Variants in VPS13B observed in about 807,000 individuals in gnomAD.
VPS13B encodes the protein vacuolar protein sorting 13 homolog B, also known as intermembrane lipid transfer protein VPS13B.
A neutral mutation model predicts 426.4 loss-of-function variants in VPS13B; 285 were observed. The observed-to-expected ratio is 0.67, with a 90% confidence interval of 0.61 to 0.74. The LOEUF is 0.74. VPS13B is among the 30% of genes least tolerant of loss of function. The pLI is 0.00. For missense variants in VPS13B, 4,537 were observed against 4,782.6 expected (o/e 0.95, Z 1.51); for synonymous variants, 1,676 against 1,676.4 (o/e 1.00, Z 0.01).
chr8:99,273,324 A>G (rs1818700088), intron 17 of VPS13B, among the ~76,000 whole-genome samples: 1 of 100,336 alleles, frequency 1.0e-5, no homozygotes, highest in Admixed American at 9.0e-5. Context: ...ACGCCCAGCT[A>G]ATTTTTGTAC....
At chr8:99,024,472 T>C (rs543482563) in intron 2 of VPS13B, among the ~76,000 whole-genome samples, 2 of 152,368 alleles carry the variant, frequency 1.3e-5, no homozygotes, top group East Asian at 3.9e-4. Flanking sequence ...TGAGTTGATT[T>C]TTGTATATGG....
chr8:99,756,030 T>G (rs865943585), intron 39 of VPS13B, among the ~76,000 whole-genome samples: 4 of 152,046 alleles, frequency 2.6e-5, no homozygotes, highest in Admixed American at 1.3e-4. Flanking sequence ...GTTGGACTTA[T>G]TAGACAAATA....
In VPS13B at chr8:99,121,300, C is replaced by T. The variant is rs1274673849; in HGVS notation, c.1061C>T (p.Pro354Leu). 9 of 1,614,124 alleles carry T rather than the reference C, an allele frequency of 5.6e-6. No individual in the cohort carries two copies. The highest frequency in any genetic ancestry group is 7.6e-6 in the Non-Finnish European group (9 of 1,180,022). The change falls in exon 8 of 62, where the codon CCT becomes CTT. Residue 354 changes from proline to leucine, a missense_variant. Pro to Leu is a moderately conservative substitution (Grantham distance 98). Transcript: ENST00000357162. ...GWVSWAWSFV[P>L]AIVSYDDGEE... ...GTGTCATGGGCCTGGTCCTTTGTGC[C>T]TGCAATTGTGAGTTATGACGATGGC...
chr8:99,258,158 C>T (rs1369498020), intron 17 of VPS13B, among the ~76,000 whole-genome samples: 3 of 151,202 alleles, frequency 2.0e-5, no homozygotes, highest in African/African-American at 7.3e-5. Context: ...ATTATTTTAA[C>T]CAATAAATTT....
At chr8:99,657,937 CCTT>C (rs1311426007) in intron 34 of VPS13B, among the ~76,000 whole-genome samples, 1 of 152,164 alleles carries the variant, frequency 6.6e-6, no homozygotes, top group Non-Finnish European at 1.5e-5. Context: ...TGTTTCTTCT[CCTT>C]CTCCCCCAAT....
At chr8:99,621,604 T>C (rs1828351283) in intron 33 of VPS13B, among the ~76,000 whole-genome samples, 2 of 152,132 alleles carry the variant, frequency 1.3e-5, no homozygotes, top group African/African-American at 4.8e-5. Context: ...ATTTTAGTGA[T>C]TGTCTTGTTG....
At chr8:99,805,490 A>C (rs543453680) in intron 43 of VPS13B, among the ~76,000 whole-genome samples, 1 of 152,160 alleles carries the variant, frequency 6.6e-6, no homozygotes, top group African/African-American at 2.4e-5. Context: ...TCTTAAATAT[A>C]TCAATTCAGG....
At chr8:99,189,597 T>G (rs1275118956) in intron 16 of VPS13B, among the ~76,000 whole-genome samples, 1 of 152,128 alleles carries the variant, frequency 6.6e-6, no homozygotes, top group Non-Finnish European at 1.5e-5. Context: ...CTCTTTTCTT[T>G]AGGAACACTG....
intron 31 of VPS13B, among the ~76,000 whole-genome samples, chr8:99,570,231 A>G (rs999494714): frequency 6.6e-6 from 1 of 152,004 alleles, no homozygotes; most frequent in Non-Finnish European, 1.5e-5. Flanking sequence ...ATGAATTCTT[A>G]TATTTCATCA....
intron 30 of VPS13B, among the ~76,000 whole-genome samples, chr8:99,532,039 GT>G (rs558353164): frequency 5.9e-5 from 9 of 151,814 alleles, no homozygotes; most frequent in African/African-American, 2.2e-4. Flanking sequence ...TAATTAAAAA[GT>G]TTTTTTTAAC....
chr8:99,197,914 T>C (rs1814038173), intron 17 of VPS13B, among the ~76,000 whole-genome samples: 1 of 152,148 alleles, frequency 6.6e-6, no homozygotes, highest in Non-Finnish European at 1.5e-5. Flanking sequence ...TATTCTGTAA[T>C]TATATAGTTG....
chr8:99,085,959 G>T (rs1184086450), intron 3 of VPS13B, among the ~76,000 whole-genome samples: 1 of 152,168 alleles, frequency 6.6e-6, no homozygotes, highest in African/African-American at 2.4e-5. Context: ...TTCTCGAGGA[G>T]TATCTTTGTT....
At chr8:99,559,789 A>C (rs1278876468) in intron 31 of VPS13B, among the ~76,000 whole-genome samples, 1 of 152,178 alleles carries the variant, frequency 6.6e-6, no homozygotes, top group Non-Finnish European at 1.5e-5. Context: ...TACCAGTACC[A>C]TGCTGTTTTG....
intron 17 of VPS13B, among the ~76,000 whole-genome samples, chr8:99,271,917 G>T (rs1354818774): frequency 1.3e-5 from 2 of 152,124 alleles, no homozygotes; most frequent in East Asian, 1.9e-4. Flanking sequence ...GGGACACAAA[G>T]CTAAACAATA....
At chr8:99,629,586 A>G (rs755193194) in intron 33 of VPS13B, among the ~76,000 whole-genome samples, 1 of 152,208 alleles carries the variant, frequency 6.6e-6, no homozygotes, top group Non-Finnish European at 1.5e-5. Flanking sequence ...GAGGGAGAGC[A>G]TTCTAGGCTG....
intron 19 of VPS13B, among the ~76,000 whole-genome samples, chr8:99,370,403 G>T (rs914034610): frequency 2.0e-5 from 3 of 152,116 alleles, no homozygotes; most frequent in Admixed American, 2.0e-4. Flanking sequence ...GGTAGCTGGA[G>T]TATGGTCAAC....
chr8:99,248,863 C>G (rs1023550406), intron 17 of VPS13B, among the ~76,000 whole-genome samples: 1 of 152,150 alleles, frequency 6.6e-6, no homozygotes, highest in Non-Finnish European at 1.5e-5. Context: ...GCTTCTCCCC[C>G]ACTCCCAAGC....
intron 16 of VPS13B, among the ~76,000 whole-genome samples, chr8:99,181,848 A>G (rs1460291237): frequency 6.6e-6 from 1 of 152,136 alleles, no homozygotes; most frequent in Non-Finnish European, 1.5e-5. Flanking sequence ...CAGTTAAGAA[A>G]ATAAACTGAG....
At chr8:99,551,489 T>C (rs975676352) in intron 30 of VPS13B, among the ~76,000 whole-genome samples, 4 of 151,954 alleles carry the variant, frequency 2.6e-5, no homozygotes, top group Admixed American at 2.0e-4. Context: ...ATGCTGCTTA[T>C]TATGTTTGGA....
Sources: allele counts gnomAD v4.1 joint callset (sites outside exome capture counted in the v4.1 genomes callset), GRCh38; gene constraint gnomAD v4.1.1; transcripts MANE v1.5; gene names NCBI Gene and HGNC (gene_info 2026-07-23, HGNC 2026-07-21).